Variants in ZNF385D observed in about 807,000 individuals in gnomAD.
The protein encoded by ZNF385D is zinc finger protein 385D.
A neutral mutation model predicts 35.8 loss-of-function variants in ZNF385D; 15 were observed. The observed-to-expected ratio is 0.42, with a 90% confidence interval of 0.28 to 0.64. The LOEUF (loss-of-function observed/expected upper bound fraction) is 0.64. ZNF385D is among the 30% of genes least tolerant of loss of function. ZNF385D has a pLI of 0.23. For missense variants in ZNF385D, 474 were observed against 494.6 expected (o/e 0.96, Z 0.39); for synonymous variants, 212 against 186.8 (o/e 1.13, Z -1.10).
At chr3:22,259,084 A>G (rs991022807) in intron 2 of ZNF385D, among the ~76,000 whole-genome samples, 2 of 151,988 alleles carry the variant, frequency 1.3e-5, no homozygotes, top group African/African-American at 4.8e-5. Flanking sequence ...ACTATTTTAA[A>G]TTGGGCTACC....
At chr3:22,311,234 T>G (rs1012867455) in intron 2 of ZNF385D, among the ~76,000 whole-genome samples, 162 of 152,022 alleles carry the variant, frequency 1.1e-3, no homozygotes, top group Non-Finnish European at 2.8e-4. Flanking sequence ...TGCTAATACT[T>G]TTATCTTTAT....
At chr3:22,326,982 T>C (rs571860371) in intron 2 of ZNF385D, among the ~76,000 whole-genome samples, 6 of 152,306 alleles carry the variant, frequency 3.9e-5, no homozygotes, top group African/African-American at 1.2e-4. Context: ...CCAAGGTCTA[T>C]TGCTTTGGGT....
At chr3:21,522,863 T>A (rs552316173) in intron 3 of ZNF385D, among the ~76,000 whole-genome samples, 36 of 152,196 alleles carry the variant, frequency 2.4e-4, no homozygotes, top group Admixed American at 1.3e-3. Flanking sequence ...TATAGGTGAG[T>A]TGTGTCAGCA....
chr3:21,815,040 T>C (rs1171164648), intron 3 of ZNF385D, among the ~76,000 whole-genome samples: 9 of 152,128 alleles, frequency 5.9e-5, no homozygotes. Context: ...CACTCAAAAC[T>C]GCACAACTAC....
At chr3:21,678,380 C>T (rs1278767341) in intron 1 of ZNF385D, among the ~76,000 whole-genome samples, 2 of 152,086 alleles carry the variant, frequency 1.3e-5, no homozygotes, top group African/African-American at 4.8e-5. Context: ...GAGATTCGCT[C>T]ATGATTCCAA....
chr3:21,970,852 A>G (rs1233685672), intron 3 of ZNF385D, among the ~76,000 whole-genome samples: 5 of 152,176 alleles, frequency 3.3e-5, no homozygotes, highest in African/African-American at 4.8e-5. Context: ...TGGAGCTTCA[A>G]TAAGTCTGGC....
intron 4 of ZNF385D, among the ~76,000 whole-genome samples, chr3:21,480,790 AG>A (rs1704573164): frequency 6.6e-6 from 1 of 152,202 alleles, no homozygotes; most frequent in Non-Finnish European, 1.5e-5. Context: ...ATTTCAAAGT[AG>A]CAAGTAATTT....
At chr3:21,938,991 T>C (rs1324952998) in intron 3 of ZNF385D, among the ~76,000 whole-genome samples, 1 of 152,224 alleles carries the variant, frequency 6.6e-6, no homozygotes, top group African/African-American at 2.4e-5. Context: ...TTGTGCTTCC[T>C]GGTATCTGGA....
intron 2 of ZNF385D, among the ~76,000 whole-genome samples, chr3:21,656,508 G>C (rs1479495911): frequency 6.6e-6 from 1 of 151,664 alleles, no homozygotes; most frequent in East Asian, 1.9e-4. Flanking sequence ...TTTTTATAAG[G>C]ACACCAGTCA....
intron 3 of ZNF385D, among the ~76,000 whole-genome samples, chr3:21,999,369 T>A (rs531344120): frequency 6.6e-6 from 1 of 152,154 alleles, no homozygotes; most frequent in African/African-American, 2.4e-5. Flanking sequence ...ATAGACAACT[T>A]TGAATGCAAT....
At chr3:21,831,827 T>G (rs1695009173) in intron 3 of ZNF385D, among the ~76,000 whole-genome samples, 1 of 152,224 alleles carries the variant, frequency 6.6e-6, no homozygotes, top group Non-Finnish European at 1.5e-5. Context: ...GTATTTTGGC[T>G]ATTTTATCTT....
intron 2 of ZNF385D, among the ~76,000 whole-genome samples, chr3:22,256,885 G>A (rs570098669): frequency 5.9e-5 from 9 of 151,888 alleles, no homozygotes; most frequent in African/African-American, 2.2e-4. Flanking sequence ...AATGTATGAT[G>A]TCACATTTTG....
In ZNF385D at chr3:21,582,870, T is replaced by C. The variant is rs1169586287; in HGVS notation, c.166-18186A>G. ...TCTGCTCACTGCAACCTCCACCTCC[T>C]AGGTTCAAGCAATTCTCCTGCCTCA... On this transcript the variant is annotated intron_variant, in intron 2 of 7. Transcript: ENST00000281523. Among the ~76,000 whole-genome samples the C allele has an allele frequency of 2.6e-5, 4 of 152,034 alleles. No individual in the cohort carries two copies. The East Asian group carries it at 7.7e-4, about 29-fold the overall frequency.
intron 2 of ZNF385D, among the ~76,000 whole-genome samples, chr3:22,287,003 T>C (rs540532371): frequency 4.6e-5 from 7 of 151,872 alleles, no homozygotes; most frequent in African/African-American, 1.2e-4. Flanking sequence ...TGTATTAGAC[T>C]CTATCTATCC....
intron 4 of ZNF385D, among the ~76,000 whole-genome samples, chr3:21,456,494 C>G (rs948833976): frequency 6.6e-6 from 1 of 152,186 alleles, no homozygotes; most frequent in African/African-American, 2.4e-5. Flanking sequence ...GGACAAAAAA[C>G]CAAACACCGC....
Position 21,413,517 on chromosome 3 carries a change from C to T in ZNF385D, c.*7697G>A, listed in dbSNP as rs567223243. ...AAATTCACCATGTCAACTGTACCTC[C>T]CTCCAATGCTTGTGGTAATGCTCTT... On this transcript the variant is annotated 3_prime_UTR_variant, in exon 8 of 8. Transcript: ENST00000281523. The T allele has an allele frequency of 1.3e-5, 2 of 152,210 alleles. No homozygotes were observed. The highest frequency in any genetic ancestry group is 4.1e-4 in the South Asian group (2 of 4,826). 9.4% of individuals were successfully genotyped at this position (152,210 alleles called of 1,614,324 possible). A position where few individuals can be genotyped will look rare whatever the true frequency, so the allele number is the denominator to read the frequency against.
At chr3:21,905,817 T>A (rs563253528) in intron 3 of ZNF385D, among the ~76,000 whole-genome samples, 54 of 152,220 alleles carry the variant, frequency 3.5e-4, no homozygotes, top group African/African-American at 1.1e-3. Context: ...AGTTCATATA[T>A]TTGCTTTATA....
intron 3 of ZNF385D, among the ~76,000 whole-genome samples, chr3:22,123,621 A>G (rs1703228193): frequency 6.6e-6 from 1 of 152,154 alleles, no homozygotes; most frequent in Admixed American, 6.6e-5. Flanking sequence ...ACACTATGGG[A>G]GGCCAAAGTA....
intron 3 of ZNF385D, among the ~76,000 whole-genome samples, chr3:21,956,452 T>C (rs1261062294): frequency 6.6e-6 from 1 of 151,964 alleles, no homozygotes; most frequent in Non-Finnish European, 1.5e-5. Context: ...AGAAAAAGGA[T>C]TGACACTCTA....
Sources: allele counts gnomAD v4.1 joint callset (sites outside exome capture counted in the v4.1 genomes callset), GRCh38; gene constraint gnomAD v4.1.1; transcripts MANE v1.5; gene names NCBI Gene and HGNC (gene_info 2026-07-23, HGNC 2026-07-21).